Variants in HTR1F observed in about 807,000 individuals in gnomAD.
HTR1F encodes 5-hydroxytryptamine receptor 1F, also known as 5-hydroxytryptamine (serotonin) receptor 1F, G protein-coupled.
A neutral mutation model predicts 24.0 loss-of-function variants in HTR1F; 17 were observed. The observed-to-expected ratio is 0.71, with a 90% CI of 0.48 to 1.06. The LOEUF (loss-of-function observed/expected upper bound fraction) is 1.06. Ranked by LOEUF, HTR1F falls within the 50% of genes least tolerant of loss-of-function variation. HTR1F has a pLI of 0.00. For synonymous variants in HTR1F, 186 were observed against 156.8 expected (o/e 1.19, Z -1.39); for missense variants, 391 against 427.8 (o/e 0.91, Z 0.76).
intron 2 of HTR1F, among the ~76,000 whole-genome samples, chr3:87,885,082 T>C (rs1705905435): frequency 6.6e-6 from 1 of 152,136 alleles, no homozygotes; most frequent in South Asian, 2.1e-4. Flanking sequence ...ATTGACTACA[T>C]AGTTGGAAGT....
intron 2 of HTR1F, among the ~76,000 whole-genome samples, chr3:87,957,772 G>T (rs1157136476): frequency 6.6e-6 from 1 of 151,018 alleles, no homozygotes; most frequent in Non-Finnish European, 1.5e-5. Context: ...TGATATTGCT[G>T]ATTTGGCTTT....
intron 2 of HTR1F, among the ~76,000 whole-genome samples, chr3:87,934,189 T>C (rs1477983845): frequency 6.6e-6 from 1 of 152,138 alleles, no homozygotes; most frequent in Admixed American, 6.5e-5. Context: ...AAAACACTAG[T>C]GAAGTAACAG....
chr3:87,961,978 T>C (rs1462485308), intron 2 of HTR1F, among the ~76,000 whole-genome samples: 1 of 152,108 alleles, frequency 6.6e-6, no homozygotes, highest in Non-Finnish European at 1.5e-5. Context: ...TGATTCATTG[T>C]ATATCTGAAA....
At chr3:87,931,988 G>A (rs1389857836) in intron 2 of HTR1F, among the ~76,000 whole-genome samples, 6 of 152,100 alleles carry the variant, frequency 3.9e-5, no homozygotes, top group Non-Finnish European at 8.8e-5. Flanking sequence ...CTCCCATTCT[G>A]TAGGTTGCCT....
intron 2 of HTR1F, among the ~76,000 whole-genome samples, chr3:87,909,927 C>T (rs893322930): frequency 2.0e-5 from 3 of 151,924 alleles, no homozygotes; most frequent in East Asian, 1.9e-4. Flanking sequence ...GTCTTTTATT[C>T]TTCTTATTTG....
At chr3:87,882,496 G>A (rs543041280) in intron 2 of HTR1F, among the ~76,000 whole-genome samples, 1 of 152,118 alleles carries the variant, frequency 6.6e-6, no homozygotes, top group South Asian at 2.1e-4. Context: ...AGAAAATGTG[G>A]CACATATACA....
Position 87,969,265 on chromosome 3 carries a change from G to C in HTR1F, c.-42-21443G>C, listed in dbSNP as rs529551124. 2.6e-5 allele frequency among the ~76,000 whole-genome samples: 4 copies of C among 152,350 alleles called. No homozygotes were observed. In the South Asian group the frequency reaches 8.3e-4, roughly 32 times the overall value. On this transcript the variant is annotated intron_variant, in intron 2 of 2. Transcript: ENST00000319595. ...CTATCCTCCAGACCCTGGAATGGTA[G>C]GTCCACTGACAGCTTGCGCCTGTGT...
intron 2 of HTR1F, among the ~76,000 whole-genome samples, chr3:87,916,452 C>A (rs775590880): frequency 1.3e-5 from 2 of 151,786 alleles, no homozygotes; most frequent in Non-Finnish European, 2.9e-5. Context: ...TGGATAAGAA[C>A]TCATCAACCA....
chr3:87,895,474 A>C (rs564512002), intron 2 of HTR1F, among the ~76,000 whole-genome samples: 1 of 152,210 alleles, frequency 6.6e-6, no homozygotes, highest in African/African-American at 2.4e-5. Context: ...TATTGATGGG[A>C]TACCAACTCT....
At chr3:87,957,927 T>G (rs903652835) in intron 2 of HTR1F, among the ~76,000 whole-genome samples, 1 of 151,486 alleles carries the variant, frequency 6.6e-6, no homozygotes, top group Admixed American at 6.6e-5. Flanking sequence ...ATTTTATTAT[T>G]TTGTTTCTTC....
intron 2 of HTR1F, among the ~76,000 whole-genome samples, chr3:87,983,998 A>G (rs929782517): frequency 1.3e-5 from 2 of 152,170 alleles, no homozygotes; most frequent in Admixed American, 6.5e-5. Flanking sequence ...CTGACTGCCT[A>G]CAAAATAAAA....
At chr3:87,932,866 A>G (rs1313837013) in intron 2 of HTR1F, among the ~76,000 whole-genome samples, 1 of 151,796 alleles carries the variant, frequency 6.6e-6, no homozygotes, top group Non-Finnish European at 1.5e-5. Flanking sequence ...GGCCAGCATC[A>G]TCCTGATACC....
In HTR1F at chr3:87,870,374, T is replaced by C. The variant is rs149939628; in HGVS notation, c.-43+48250T>C. ...AACTAAGACAGTAACTTAATAACAA[T>C]ATATTAGCCAAAAAGCTTTACCAGG... On this transcript the variant is annotated intron_variant, in intron 2 of 2. Coordinates refer to ENST00000319595, the MANE Select transcript of HTR1F (RefSeq NM_001322209.2). Among the ~76,000 whole-genome samples, 593 of 152,160 alleles carry C rather than the reference T, an allele frequency of 3.9e-3. 1 individual carries two copies. The highest frequency in any genetic ancestry group is 7.0e-3 in the Non-Finnish European group (477 of 67,986).
intron 2 of HTR1F, among the ~76,000 whole-genome samples, chr3:87,897,230 A>C (rs59362358): frequency 7.6e-6 from 1 of 131,990 alleles, no homozygotes; most frequent in African/African-American, 3.3e-5. Context: ...TATATATATA[A>C]ATGTTTTATA....
intron 2 of HTR1F, among the ~76,000 whole-genome samples, chr3:87,944,816 T>G (rs1334194017): frequency 6.6e-6 from 1 of 152,196 alleles, no homozygotes; most frequent in Non-Finnish European, 1.5e-5. Context: ...TCAATGGATT[T>G]GGGCCATCCG....
chr3:87,792,920 G>C (rs1195575218), intron 1 of HTR1F, among the ~76,000 whole-genome samples, 78 bp downstream of exon 1: 1 of 152,228 alleles, frequency 6.6e-6, no homozygotes, highest in Non-Finnish European at 1.5e-5. Context: ...AAGGGGTGTG[G>C]GGACGTGGGG....
intron 1 of HTR1F, among the ~76,000 whole-genome samples, chr3:87,809,240 C>G (rs1005567812): frequency 7.9e-5 from 12 of 151,658 alleles, no homozygotes; most frequent in Non-Finnish European, 1.5e-4. Flanking sequence ...ATTGTTTCTG[C>G]TTCATGTACT....
intron 2 of HTR1F, among the ~76,000 whole-genome samples, chr3:87,949,455 A>G (rs1398137984): frequency 2.0e-5 from 3 of 152,178 alleles, no homozygotes; most frequent in Admixed American, 2.0e-4. Flanking sequence ...AAAGGAATAC[A>G]AATTTCCTTC....
At chr3:87,832,172 A>G (rs1281976778) in intron 2 of HTR1F, among the ~76,000 whole-genome samples, 1 of 152,162 alleles carries the variant, frequency 6.6e-6, no homozygotes, top group Non-Finnish European at 1.5e-5. Context: ...CGTATCTTCC[A>G]TGTGTCTTGA....
Sources: allele counts gnomAD v4.1 joint callset (sites outside exome capture counted in the v4.1 genomes callset), GRCh38; gene constraint gnomAD v4.1.1; transcripts MANE v1.5; gene names NCBI Gene and HGNC (gene_info 2026-07-23, HGNC 2026-07-21).